Variants in DYM observed in about 807,000 individuals in gnomAD.
The protein encoded by DYM is dymeclin.
In DYM, 78 loss-of-function variants were observed where a neutral mutation model predicts 93.1. The ratio of observed to expected loss-of-function variants is 0.84; its 90% confidence interval spans 0.70 to 1.01. The LOEUF is 1.01. Ranked by LOEUF, DYM falls within the 50% of genes least tolerant of loss-of-function variation. The probability of loss-of-function intolerance (pLI) is 0.00; values close to 1 mark genes in which losing one functional copy is unlikely to be tolerated. For missense variants in DYM, 789 were observed against 845.0 expected (o/e 0.93, Z 0.82); for synonymous variants, 321 against 319.7 (o/e 1.00, Z -0.04).
At chr18:49,320,184 G>A (rs1057508298) in intron 8 of DYM, among the ~76,000 whole-genome samples, 1 of 152,098 alleles carries the variant, frequency 6.6e-6, no homozygotes, top group African/African-American at 2.4e-5. Flanking sequence ...TAAAGATTAA[G>A]ATATACATTT....
chr18:49,237,809 T>C (rs1438587299), intron 13 of DYM, among the ~76,000 whole-genome samples: 1 of 152,154 alleles, frequency 6.6e-6, no homozygotes, highest in East Asian at 1.9e-4. Flanking sequence ...CAAATATTAT[T>C]TTCCCCTGCA....
chr18:49,211,320 T>G (rs1403916051), intron 13 of DYM, among the ~76,000 whole-genome samples: 1 of 152,164 alleles, frequency 6.6e-6, no homozygotes, highest in Non-Finnish European at 1.5e-5. Flanking sequence ...TCAGAGTAAT[T>G]TCACTGACGC....
In DYM at chr18:49,281,989, A is replaced by G; in HGVS notation, c.1125+8T>C. The stretch of plus-strand genomic sequence containing the variant: ...ACAAACGCATGGAATGTTTAGTATG[A>G]TACTTACAAGATTTTCCATATCTGT... On this transcript the variant is annotated splice_region_variant and intron_variant, in intron 10 of 17. Coordinates refer to ENST00000675505, the MANE Select transcript of DYM (RefSeq NM_001353214.3). 6.2e-7 allele frequency: 1 copy of G among 1,612,644 alleles called. No individual in the cohort carries two copies. Among genetic ancestry groups the G allele is most frequent in the Non-Finnish European group, 8.5e-7 (1 of 1,178,982 alleles).
rs568176500 is a variant in DYM, at chr18:49,098,239, T to G, written c.1912-724A>C. 7.3e-4 allele frequency among the ~76,000 whole-genome samples: 111 copies of G among 152,332 alleles called. 2 individuals are homozygous for G. The highest frequency in any genetic ancestry group is 2.6e-3 in the African/African-American group (110 of 41,586). On this transcript the variant is annotated intron_variant, in intron 16 of 17. Transcript: ENST00000675505. ...CTTTTAAATTCAAGAGAATAACATT[T>G]AGGTGTTTATAGTCAGACATGCAAA...
intron 2 of DYM, among the ~76,000 whole-genome samples, chr18:49,399,928 A>ATTTTTAT (rs1258036704): frequency 4.2e-5 from 4 of 94,250 alleles, no homozygotes; most frequent in Admixed American, 1.1e-4. Context: ...ATTTATTTTT[A>ATTTTTAT]TTTTTCTTTT....
At chr18:49,188,159 T>TG (rs1035065559) in intron 14 of DYM, among the ~76,000 whole-genome samples, 3 of 152,160 alleles carry the variant, frequency 2.0e-5, no homozygotes, top group African/African-American at 7.2e-5. Flanking sequence ...TTTGGCTGTT[T>TG]GGGGGGTAGC....
intron 6 of DYM, among the ~76,000 whole-genome samples, chr18:49,337,409 T>C (rs1048721929): frequency 5.3e-5 from 8 of 152,192 alleles, no homozygotes; most frequent in Non-Finnish European, 1.0e-4. Flanking sequence ...CTTCTGGTGA[T>C]CCACGTTTGG....
chr18:49,249,285 T>C (rs2094235445), intron 13 of DYM, among the ~76,000 whole-genome samples: 1 of 152,114 alleles, frequency 6.6e-6, no homozygotes, highest in Non-Finnish European at 1.5e-5. Context: ...GGATGGCAGG[T>C]ATAAATTTAT....
intron 14 of DYM, among the ~76,000 whole-genome samples, chr18:49,189,987 T>C (rs893918533): frequency 6.6e-5 from 10 of 152,252 alleles, no homozygotes; most frequent in Non-Finnish European, 8.8e-5. Context: ...GCTCTTTTCC[T>C]TCCGTTAAAC....
intron 13 of DYM, among the ~76,000 whole-genome samples, chr18:49,234,117 A>T (rs902784547): frequency 1.3e-5 from 2 of 149,004 alleles, no homozygotes; most frequent in African/African-American, 5.0e-5. Context: ...TAACAGAGCA[A>T]GACTCCACCT....
chr18:49,370,272 C>T (rs912046718), intron 5 of DYM, among the ~76,000 whole-genome samples: 5 of 142,444 alleles, frequency 3.5e-5, no homozygotes, highest in Non-Finnish European at 7.6e-5. Context: ...GAGCGAAACT[C>T]CATCTCAGAA....
intron 3 of DYM, among the ~76,000 whole-genome samples, chr18:49,388,464 C>T (rs539348257): frequency 8.6e-5 from 13 of 151,870 alleles, no homozygotes; most frequent in Admixed American, 6.5e-4. Context: ...ATATGGGACA[C>T]AATGGAAACA....
intron 11 of DYM, among the ~76,000 whole-genome samples, chr18:49,262,118 G>A (rs945698912): frequency 2.0e-5 from 3 of 152,106 alleles, no homozygotes; most frequent in African/African-American, 7.2e-5. Context: ...TGGACTCTAG[G>A]TCAGTATGAC....
At chr18:49,064,659 G>A (rs2144721720) in intron 17 of DYM, among the ~76,000 whole-genome samples, 1 of 152,266 alleles carries the variant, frequency 6.6e-6, no homozygotes, top group African/African-American at 2.4e-5. Context: ...TATGTGGAGA[G>A]GCTAGCAGGC....
intron 13 of DYM, among the ~76,000 whole-genome samples, chr18:49,252,338 T>C (rs1661579163): frequency 6.8e-6 from 1 of 146,450 alleles, no homozygotes; most frequent in Admixed American, 6.9e-5. Flanking sequence ...TACATCATGG[T>C]GGAAGGTGAA....
intron 5 of DYM, among the ~76,000 whole-genome samples, chr18:49,369,884 G>C (rs749188399): frequency 6.6e-6 from 1 of 152,168 alleles, no homozygotes; most frequent in Non-Finnish European, 1.5e-5. Flanking sequence ...CTTGGGCCTA[G>C]CACCTTGCTC....
At position 49,039,429 on chromosome 18, in the gene DYM, A is replaced by C. The variant is rs893447150; in HGVS notation, c.*4626T>G. 6.6e-6 allele frequency among the ~76,000 whole-genome samples: 1 copy of C among 151,936 alleles called. No individual in the cohort carries two copies. The highest frequency in any genetic ancestry group is 2.4e-5 in the African/African-American group (1 of 41,324). On this transcript the variant is annotated 3_prime_UTR_variant, in exon 18 of 18. Coordinates refer to ENST00000675505, the MANE Select transcript of DYM (RefSeq NM_001353214.3). ...TTGGAGTTTGTGGGAGGGATTCTTG[A>C]ATTTTTGGTGTGATATCTTTCATGA...
At chr18:49,320,301 C>T (rs1252536549) in intron 8 of DYM, among the ~76,000 whole-genome samples, 1 of 152,086 alleles carries the variant, frequency 6.6e-6, no homozygotes, top group Non-Finnish European at 1.5e-5. Context: ...AGTCAAAAAA[C>T]TCTATAATGA....
intron 5 of DYM, among the ~76,000 whole-genome samples, chr18:49,365,688 C>T (rs1195758639): frequency 6.6e-6 from 1 of 152,154 alleles, no homozygotes; most frequent in African/African-American, 2.4e-5. Context: ...ACATTTCAGA[C>T]CAAATGCCAG....
Sources: gnomAD v4.1 joint callset for allele counts (sites outside exome capture counted in the v4.1 genomes callset) on GRCh38, gnomAD v4.1.1 for gene constraint, MANE v1.5 for transcripts, NCBI Gene and HGNC (gene_info 2026-07-23, HGNC 2026-07-21) for gene names.